The following CSMD1 variants were observed in gnomAD, a reference collection of about 807,000 sequenced individuals.
The protein encoded by CSMD1 is CUB and sushi domain-containing protein 1.
A neutral mutation model predicts 417.5 loss-of-function variants in CSMD1; 213 were observed. The ratio of observed to expected loss-of-function variants is 0.51; its 90% CI spans 0.46 to 0.57. The LOEUF is 0.57. CSMD1 is among the 20% of genes least tolerant of loss of function. CSMD1 has a pLI of 0.00. For synonymous variants in CSMD1, 2,862 were observed against 1,736.8 expected (o/e 1.65, Z -16.11); for missense variants, 6,923 against 4,529.7 (o/e 1.53, Z -15.17).
At chr8:4,713,374 T>TTTTTGTTTTG (rs56295432) in intron 1 of CSMD1, among the ~76,000 whole-genome samples, 3,809 of 148,100 alleles carry the variant, frequency 0.026, 69 homozygotes, top group African/African-American at 0.045. Context: ...CAGCTTTGTG[T>TTTTTGTTTTG]TTTTGTTTTG....
In CSMD1 at chr8:4,430,765, C is replaced by A. The variant is rs1026922101; in HGVS notation, c.303-10700G>T. On this transcript the variant is annotated intron_variant, in intron 2 of 69. Coordinates refer to ENST00000635120, the MANE Select transcript of CSMD1 (RefSeq NM_033225.6). ...GCATCCACATAATGTATGTTTATGACAATCAAACCATTTACAAATGACATT... is the reference window on the plus strand; with the variant it reads ...GCATCCACATAATGTATGTTTATGAAAATCAAACCATTTACAAATGACATT... Among the ~76,000 whole-genome samples, 4 of 152,088 alleles carry A rather than the reference C, an allele frequency of 2.6e-5. No individual in the cohort carries two copies. The East Asian group carries it at 7.7e-4, about 29-fold the overall frequency.
At chr8:4,036,914 C>T (rs576911036) in intron 3 of CSMD1, among the ~76,000 whole-genome samples, 8 of 151,992 alleles carry the variant, frequency 5.3e-5, no homozygotes, top group Non-Finnish European at 1.0e-4. Flanking sequence ...GCATGTTAGG[C>T]TCATTGGCAT....
chr8:4,342,561 C>G lies in CSMD1; in HGVS notation c.415+77392G>C, dbSNP rs180787399. Among the ~76,000 whole-genome samples, 73 of 152,056 alleles carry G rather than the reference C, an allele frequency of 4.8e-4. No homozygotes were observed. The Middle Eastern group carries it at 0.014, about 28-fold the overall frequency. ...TATGACATTTGCCCAGTAAGTGATC[C>G]TCTCAGATGGACACTTCCCCATAAG... On this transcript the variant is annotated intron_variant, in intron 3 of 69. Transcript: ENST00000635120.
intron 5 of CSMD1, among the ~76,000 whole-genome samples, chr8:3,932,301 G>A (rs1810205224): frequency 6.6e-6 from 1 of 150,622 alleles, no homozygotes; most frequent in South Asian, 2.1e-4. Context: ...TTGTTGCTCA[G>A]TTAAACATGT....
chr8:3,981,880 G>C (rs1813898660), intron 5 of CSMD1, among the ~76,000 whole-genome samples: 1 of 152,084 alleles, frequency 6.6e-6, no homozygotes, highest in African/African-American at 2.4e-5. Flanking sequence ...TATCTGTGAA[G>C]TTTCCTGTCA....
At chr8:4,856,774 G>T (rs955131861) in intron 1 of CSMD1, among the ~76,000 whole-genome samples, 19 of 149,692 alleles carry the variant, frequency 1.3e-4, no homozygotes, top group African/African-American at 4.7e-4. Context: ...AGCAAGTCCT[G>T]AGTGACCTAC....
At chr8:4,274,224 G>A (rs905594781) in intron 3 of CSMD1, among the ~76,000 whole-genome samples, 11 of 151,976 alleles carry the variant, frequency 7.2e-5, no homozygotes, top group Non-Finnish European at 1.5e-4. Flanking sequence ...TAAAGTCCAG[G>A]CCTCTGAAAT....
intron 3 of CSMD1, among the ~76,000 whole-genome samples, chr8:4,203,705 TAC>T (rs1799803553): frequency 6.6e-6 from 1 of 151,908 alleles, no homozygotes; most frequent in African/African-American, 2.4e-5. Flanking sequence ...CACACAAACA[TAC>T]ACACACATAC....
At chr8:3,659,347 T>A (rs765556116) in intron 7 of CSMD1, among the ~76,000 whole-genome samples, 2 of 152,346 alleles carry the variant, frequency 1.3e-5, no homozygotes, top group African/African-American at 4.8e-5. Flanking sequence ...ATTTTGCACT[T>A]GCCAATCTAG....
At chr8:3,923,403 T>C (rs1809418807) in intron 5 of CSMD1, among the ~76,000 whole-genome samples, 1 of 152,046 alleles carries the variant, frequency 6.6e-6, no homozygotes, top group Non-Finnish European at 1.5e-5. Context: ...CATTTGCTTA[T>C]TTTGTCAATT....
chr8:4,426,524 G>GTACAGTA (rs1797566707), intron 2 of CSMD1, among the ~76,000 whole-genome samples: 1 of 146,706 alleles, frequency 6.8e-6, no homozygotes, highest in African/African-American at 2.5e-5. Flanking sequence ...AAAGACTGTA[G>GTACAGTA]TATTTTATAC....
chr8:4,303,997 G>A (rs1169279976), intron 3 of CSMD1, among the ~76,000 whole-genome samples: 1 of 152,100 alleles, frequency 6.6e-6, no homozygotes, highest in Non-Finnish European at 1.5e-5. Context: ...ACCTGAACAT[G>A]ATGTCTAGGA....
At chr8:4,497,944 C>T (rs1802059342) in intron 2 of CSMD1, among the ~76,000 whole-genome samples, 1 of 152,102 alleles carries the variant, frequency 6.6e-6, no homozygotes, top group African/African-American at 2.4e-5. Context: ...TGCAACTGCC[C>T]GTGGGGTTTC....
At chr8:3,067,137 T>C (rs1563301010) in intron 49 of CSMD1, among the ~76,000 whole-genome samples, 1 of 152,100 alleles carries the variant, frequency 6.6e-6, no homozygotes, top group Non-Finnish European at 1.5e-5. Context: ...GGACCCCACG[T>C]ATGCACCTCT....
intron 1 of CSMD1, among the ~76,000 whole-genome samples, chr8:4,668,030 A>C (rs1041677739): frequency 1.3e-5 from 2 of 152,298 alleles, no homozygotes; most frequent in Middle Eastern, 6.8e-3. Flanking sequence ...TTCTACATGA[A>C]ATACCTCATC....
intron 3 of CSMD1, among the ~76,000 whole-genome samples, chr8:4,387,570 C>CAAA (rs540419006): frequency 0.015 from 571 of 36,856 alleles, 33 homozygotes; most frequent in East Asian, 0.055. Context: ...TCCAAACTGG[C>CAAA]AAAAAAAAAA....
chr8:3,611,665 C>T (rs1801901057), intron 8 of CSMD1, among the ~76,000 whole-genome samples: 1 of 152,000 alleles, frequency 6.6e-6, no homozygotes, highest in African/African-American at 2.4e-5. Flanking sequence ...ATGAGTTTGA[C>T]AGTTTTTCAA....
At chr8:4,547,048 C>T (rs1374305879) in intron 2 of CSMD1, among the ~76,000 whole-genome samples, 2 of 152,156 alleles carry the variant, frequency 1.3e-5, no homozygotes, top group African/African-American at 2.4e-5. Flanking sequence ...CAAATTCATA[C>T]ATCCAACTAC....
At chr8:4,307,193 C>T (rs1798295569) in intron 3 of CSMD1, among the ~76,000 whole-genome samples, 1 of 152,170 alleles carries the variant, frequency 6.6e-6, no homozygotes, top group Non-Finnish European at 1.5e-5. Context: ...CTGTATCAAC[C>T]CCCTTCTACG....
Sources: gnomAD v4.1 joint callset for allele counts (sites outside exome capture counted in the v4.1 genomes callset) on GRCh38, gnomAD v4.1.1 for gene constraint, MANE v1.5 for transcripts, NCBI Gene and HGNC (gene_info 2026-07-23, HGNC 2026-07-21) for gene names.